XPR1: variants seen among roughly 807,000 people sequenced by gnomAD.
XPR1 encodes xenotropic and polytropic retrovirus receptor 1, also known as solute carrier family 53 member 1.
In XPR1, 28 loss-of-function variants were observed where a neutral mutation model predicts 87.5. The observed-to-expected ratio is 0.32, with a 90% CI of 0.24 to 0.44. The LOEUF (loss-of-function observed/expected upper bound fraction) is 0.44. Among genes scored for constraint, XPR1 ranks in the 20% least tolerant of loss-of-function variants. XPR1 has a pLI of 1.00. For synonymous variants in XPR1, 300 were observed against 306.1 expected, an observed-to-expected ratio of 0.98 and a Z score of 0.21; for missense variants, 559 against 862.3, an observed-to-expected ratio of 0.65 and a Z score of 4.41.
chr1:180,773,810 A>G (rs1648609129), intron 2 of XPR1, among the ~76,000 whole-genome samples: 1 of 152,176 alleles, frequency 6.6e-6, no homozygotes, highest in African/African-American at 2.4e-5. Flanking sequence ...ATTTGTCTAT[A>G]TGTAATTAAG....
In XPR1 at chr1:180,704,274, A is replaced by ATATATATATG. The variant is rs1378621484; in HGVS notation, c.121+21866_121+21867insATATATGTAT. Among the ~76,000 whole-genome samples the ATATATATATG allele has an allele frequency of 6.4e-5, 9 of 141,682 alleles. No homozygotes were observed. The South Asian group carries it at 1.8e-3, about 29-fold the overall frequency. The allele number at this position is 141,682 out of a possible 152,430, so 92.9% of individuals were successfully genotyped here. ...TATATATATATATATATATATATAT[A>ATATATATATG]TATTATCAGATTATCTGTTTTGTTA... On this transcript the variant is annotated intron_variant, in intron 2 of 14. Coordinates refer to ENST00000367590, the MANE Select transcript of XPR1 (RefSeq NM_004736.4).
intron 9 of XPR1, among the ~76,000 whole-genome samples, chr1:180,833,373 A>G (rs1218632812): frequency 6.6e-6 from 1 of 152,224 alleles, no homozygotes; most frequent in Non-Finnish European, 1.5e-5. Context: ...ATTAAAAGAC[A>G]TAGACTGGCA....
chr1:180,703,866 G>A (rs939432171), intron 2 of XPR1, among the ~76,000 whole-genome samples: 2 of 152,048 alleles, frequency 1.3e-5, no homozygotes, highest in African/African-American at 4.8e-5. Context: ...CATATATCGA[G>A]TACTCAGTAG....
At chr1:180,646,993 A>G (rs1244685279) in intron 1 of XPR1, among the ~76,000 whole-genome samples, 1 of 152,228 alleles carries the variant, frequency 6.6e-6, no homozygotes, top group Non-Finnish European at 1.5e-5. Flanking sequence ...GTCTCTGTGC[A>G]GTCAAACCAC....
intron 3 of XPR1, among the ~76,000 whole-genome samples, chr1:180,800,044 T>TA (rs1326393393): frequency 6.6e-6 from 1 of 152,234 alleles, no homozygotes; most frequent in African/African-American, 2.4e-5. Flanking sequence ...CAGGAACTGT[T>TA]ATAGCCCTTT....
At chr1:180,786,226 C>T (rs1027123265) in intron 2 of XPR1, among the ~76,000 whole-genome samples, 3 of 149,450 alleles carry the variant, frequency 2.0e-5, no homozygotes, top group African/African-American at 7.3e-5. Flanking sequence ...CTTTTTAGAA[C>T]CTTAAGCTTT....
intron 1 of XPR1, among the ~76,000 whole-genome samples, chr1:180,645,564 G>A (rs1254143721): frequency 6.6e-6 from 1 of 152,178 alleles, no homozygotes; most frequent in African/African-American, 2.4e-5. Context: ...GCTGCTAGTG[G>A]TGACTGCTTT....
At chr1:180,864,059 T>C (rs931664553) in intron 12 of XPR1, among the ~76,000 whole-genome samples, 185 bp downstream of exon 12, 1 of 152,132 alleles carries the variant, frequency 6.6e-6, no homozygotes, top group African/African-American at 2.4e-5. Context: ...CTAGGTACTA[T>C]AGGAAATCAA....
intron 1 of XPR1, among the ~76,000 whole-genome samples, chr1:180,662,201 T>C (rs1655802500): frequency 6.6e-6 from 1 of 152,210 alleles, no homozygotes; most frequent in South Asian, 2.1e-4. Flanking sequence ...CTGCTCATTC[T>C]TGTCCTTTTT....
At chr1:180,838,105 G>A (rs972443341) in intron 11 of XPR1, among the ~76,000 whole-genome samples, 4 of 152,132 alleles carry the variant, frequency 2.6e-5, no homozygotes, top group African/African-American at 9.7e-5. Flanking sequence ...CCTGGAAGCC[G>A]TACTGATAAA....
At chr1:180,693,538 A>T (rs1255700620) in intron 2 of XPR1, among the ~76,000 whole-genome samples, 2 of 152,208 alleles carry the variant, frequency 1.3e-5, no homozygotes, top group African/African-American at 4.8e-5. Context: ...TGCTGTAAAA[A>T]CCACAGACCT....
At chr1:180,725,155 T>G (rs1295466496) in intron 2 of XPR1, among the ~76,000 whole-genome samples, 1 of 152,206 alleles carries the variant, frequency 6.6e-6, no homozygotes, top group Non-Finnish European at 1.5e-5. Context: ...GGGTAATCTG[T>G]GAGGCATCTG....
intron 1 of XPR1, among the ~76,000 whole-genome samples, chr1:180,643,551 A>G (rs1444553328): frequency 5.9e-5 from 9 of 152,142 alleles, no homozygotes; most frequent in Non-Finnish European, 1.3e-4. Context: ...CAACTCACAT[A>G]TTTGTTGAAT....
chr1:180,723,696 T>C (rs1658247092), intron 2 of XPR1, among the ~76,000 whole-genome samples: 1 of 152,216 alleles, frequency 6.6e-6, no homozygotes, highest in South Asian at 2.1e-4. Context: ...CTCCTCTCTG[T>C]CCTTTATCTG....
intron 2 of XPR1, among the ~76,000 whole-genome samples, chr1:180,771,548 T>G (rs1648514469): frequency 6.6e-6 from 1 of 152,212 alleles, no homozygotes; most frequent in African/African-American, 2.4e-5. Flanking sequence ...TCCTTCTTGG[T>G]GCCAGGAACC....
At chr1:180,807,350 A>G (rs889965761) in intron 6 of XPR1, among the ~76,000 whole-genome samples, 1 of 152,234 alleles carries the variant, frequency 6.6e-6, no homozygotes, top group African/African-American at 2.4e-5. Context: ...TAACTAACAA[A>G]TGAGTTTAGC....
chr1:180,838,172 C>T (rs1651372335), intron 11 of XPR1, among the ~76,000 whole-genome samples: 1 of 152,128 alleles, frequency 6.6e-6, no homozygotes, highest in Non-Finnish European at 1.5e-5. Context: ...ATACTGTACT[C>T]TTATAATCAA....
chr1:180,657,424 G>A (rs886968632), intron 1 of XPR1, among the ~76,000 whole-genome samples: 5 of 151,960 alleles, frequency 3.3e-5, no homozygotes, highest in African/African-American at 1.2e-4. Context: ...ATAGGTTGAG[G>A]TTTTAGATTT....
chr1:180,888,092 A>G lies in XPR1; in HGVS notation c.*4026A>G, dbSNP rs559766695. On this transcript the variant is annotated 3_prime_UTR_variant, in exon 15 of 15. Transcript: ENST00000367590. ...ACGTGAGCCTGATGACGCGAAGGTG[A>G]TGCCTCCATCTGTCCGCTTAGTGGT... is the stretch of plus-strand genomic sequence containing the variant. 6.6e-6 allele frequency: 1 copy of G among 152,216 alleles called. No homozygotes were observed. Among genetic ancestry groups the G allele is most frequent in the Non-Finnish European group, 1.5e-5 (1 of 68,040 alleles). 9.4% of individuals were successfully genotyped at this position (152,216 alleles called of 1,614,324 possible).
Sources: allele counts gnomAD v4.1 joint callset (sites outside exome capture counted in the v4.1 genomes callset), GRCh38; gene constraint gnomAD v4.1.1; transcripts MANE v1.5; gene names NCBI Gene and HGNC (gene_info 2026-07-23, HGNC 2026-07-21).